The following RELCH variants were observed in gnomAD, a reference collection of about 807,000 sequenced individuals.
RELCH encodes the protein RAB11-binding protein RELCH.
RELCH carries 41 observed loss-of-function variants against 150.3 expected under a neutral mutation model. The observed-to-expected ratio is 0.27, with a 90% CI of 0.21 to 0.35. The LOEUF is 0.35. RELCH is among the 10% of genes least tolerant of loss of function. The pLI is 1.00. For missense variants in RELCH, 1,092 were observed against 1,467.8 expected, an observed-to-expected ratio of 0.74 and a Z score of 4.18; for synonymous variants, 478 against 531.8, an observed-to-expected ratio of 0.90 and a Z score of 1.39.
chr18:62,283,940 C>T (rs967190024), intron 25 of RELCH, among the ~76,000 whole-genome samples: 1 of 152,062 alleles, frequency 6.6e-6, no homozygotes, highest in Non-Finnish European at 1.5e-5. Context: ...TTGGTGTGTG[C>T]AGTGTTGTTG....
intron 12 of RELCH, 65 bp from the exon 13 acceptor site, chr18:62,255,342 A>G: frequency 9.4e-7 from 1 of 1,067,362 alleles, no homozygotes; most frequent in Non-Finnish European, 1.4e-6. Flanking sequence ...GTGAAATGTA[A>G]TTCTCTTTTG....
At position 62,232,451 on chromosome 18, in the gene RELCH, G is replaced by T. The variant is rs768926160; in HGVS notation, c.1620+24G>T. On this transcript the variant is annotated intron_variant, in intron 10 of 28. Coordinates refer to ENST00000644646, the MANE Select transcript of RELCH (RefSeq NM_001346231.2). ...AGGTAAGACACATGAAAGTATTTTC[G>T]TCCCAGTAATCCCATCATGTTGTCC... 2.1e-6 allele frequency: 3 copies of T among 1,396,530 alleles called. No individual in the cohort carries two copies. In the South Asian group the frequency reaches 3.5e-5, roughly 16 times the overall value. 86.5% of individuals were successfully genotyped at this position (1,396,530 alleles called of 1,614,324 possible).
chr18:62,287,508 C>G, intron 26 of RELCH, 41 bp downstream of exon 26: 1 of 1,044,140 alleles, frequency 9.6e-7, no homozygotes, highest in Non-Finnish European at 1.5e-6. Context: ...TTTATGTAAC[C>G]AATCTTAGAG....
chr18:62,298,704 G>T, intron 27 of RELCH, 86 bp from the exon 28 acceptor site: 1 of 681,188 alleles, frequency 1.5e-6, no homozygotes, highest in Non-Finnish European at 2.5e-6. Context: ...TTAGCTTATA[G>T]GAATATTAAA....
intron 22 of RELCH, chr18:62,277,906 C>T: frequency 1.1e-6 from 1 of 913,192 alleles, no homozygotes; most frequent in Non-Finnish European, 1.3e-6. Flanking sequence ...CATTAGAGCA[C>T]AACTCAAAGA....
intron 1 of RELCH, among the ~76,000 whole-genome samples, chr18:62,209,890 TTGTTTTAATTTTGGATTGTCATTGCTAA>T (rs1428014226): frequency 3.3e-5 from 5 of 152,208 alleles, no homozygotes; most frequent in Non-Finnish European, 7.3e-5. Flanking sequence ...AAACTTGTCT[TTGTTTTAATTTTGGATTGTCATTGCTAA>T]TGTATAAAAA....
At chr18:62,191,099 CTT>C (rs1297752748) in intron 1 of RELCH, among the ~76,000 whole-genome samples, 2 of 152,050 alleles carry the variant, frequency 1.3e-5, no homozygotes, top group Non-Finnish European at 2.9e-5. Context: ...AAATTTGTGT[CTT>C]TTAAGACATT....
Position 62,279,745 on chromosome 18 carries a change from T to C in RELCH, c.2968-29T>C, listed in dbSNP as rs1268202633. The stretch of plus-strand genomic sequence containing the variant: ...GTGTTTGCTCTTTCCGTGCATCACC[T>C]GTGAATACCCCCTGTGCTGACCAAT... On this transcript the variant is annotated intron_variant, in intron 22 of 28. Transcript: ENST00000644646. 1.0e-5 allele frequency: 15 copies of C among 1,444,840 alleles called. 1 individual carries two copies. The African/African-American group carries it at 1.4e-4, about 14-fold the overall frequency. The allele number at this position is 1,444,840 out of a possible 1,614,324, so 89.5% of individuals were successfully genotyped here.
intron 12 of RELCH, among the ~76,000 whole-genome samples, chr18:62,254,944 TTTCTAGCAAGGG>T (rs2042919213): frequency 6.6e-6 from 1 of 152,174 alleles, no homozygotes; most frequent in Admixed American, 6.5e-5. Context: ...TAAAAGCATA[TTTCTAGCAAGGG>T]TTCTGGTCAA....
intron 1 of RELCH, among the ~76,000 whole-genome samples, chr18:62,195,296 G>A (rs1290876108): frequency 6.6e-6 from 1 of 151,802 alleles, no homozygotes; most frequent in Non-Finnish European, 1.5e-5. Context: ...GTGTGTGTGT[G>A]TGTGTGTGTG....
At chr18:62,213,750 A>C (rs2040315649) in intron 2 of RELCH, among the ~76,000 whole-genome samples, 1 of 150,872 alleles carries the variant, frequency 6.6e-6, no homozygotes, top group Non-Finnish European at 1.5e-5. Flanking sequence ...AAAAAAAAAA[A>C]GATCATTAAT....
At chr18:62,242,931 A>G (rs1320000634) in intron 10 of RELCH, among the ~76,000 whole-genome samples, 1 of 152,166 alleles carries the variant, frequency 6.6e-6, no homozygotes, top group Non-Finnish European at 1.5e-5. Flanking sequence ...TGGGAAAAAT[A>G]GTATGAGAAG....
In RELCH at chr18:62,309,919, T is replaced by C. The variant is rs1374453511; in HGVS notation, c.*4385T>C. 6.6e-6 allele frequency: 1 copy of C among 152,226 alleles called. No homozygotes were observed. The highest frequency in any genetic ancestry group is 2.4e-5 in the African/African-American group (1 of 41,470). 9.4% of individuals were successfully genotyped at this position (152,226 alleles called of 1,614,324 possible). A position where few individuals can be genotyped will look rare whatever the true frequency, so the allele number is the denominator to read the frequency against. On this transcript the variant is annotated 3_prime_UTR_variant, in exon 29 of 29. Coordinates refer to ENST00000644646, the MANE Select transcript of RELCH (RefSeq NM_001346231.2). ...ATCTTTTTAGGGTGTCATTTGTTGATAGTAATCTGCTTTTTATAATTTTAA... is the reference window on the plus strand; with the variant it reads ...ATCTTTTTAGGGTGTCATTTGTTGACAGTAATCTGCTTTTTATAATTTTAA...
intron 24 of RELCH, among the ~76,000 whole-genome samples, chr18:62,281,417 T>A (rs186298942): frequency 6.6e-6 from 1 of 152,230 alleles, no homozygotes; most frequent in Admixed American, 6.5e-5. Context: ...TAGACTGGTA[T>A]CCTCTTGTTG....
chr18:62,233,843 A>G (rs2148445308), intron 10 of RELCH, among the ~76,000 whole-genome samples: 1 of 152,018 alleles, frequency 6.6e-6, no homozygotes, highest in East Asian at 1.9e-4. Context: ...ATAAAAGACT[A>G]CCATTAAAAT....
At chr18:62,200,305 A>G (rs1016636319) in intron 1 of RELCH, among the ~76,000 whole-genome samples, 8 of 152,200 alleles carry the variant, frequency 5.3e-5, no homozygotes, top group African/African-American at 1.7e-4. Flanking sequence ...AAGCTTCCTT[A>G]AGGCAAGGAC....
intron 14 of RELCH, 63 bp from the exon 15 acceptor site, chr18:62,258,449 T>G (rs1419898422): frequency 7.5e-7 from 1 of 1,337,126 alleles, no homozygotes; most frequent in African/African-American, 1.5e-5. Flanking sequence ...TTACTTTTTA[T>G]TAAGTGTTTT....
At chr18:62,190,297 G>A (rs939849685) in intron 1 of RELCH, among the ~76,000 whole-genome samples, 7 of 152,080 alleles carry the variant, frequency 4.6e-5, no homozygotes, top group African/African-American at 1.2e-4. Context: ...ACAGAACATC[G>A]GCAGGGTGCA....
intron 26 of RELCH, among the ~76,000 whole-genome samples, chr18:62,288,230 A>T (rs2044918048): frequency 6.6e-6 from 1 of 152,126 alleles, no homozygotes; most frequent in African/African-American, 2.4e-5. Context: ...AGGGGAAATG[A>T]GAGATTGAAA....
Sources: gnomAD v4.1 joint callset for allele counts (sites outside exome capture counted in the v4.1 genomes callset) on GRCh38, gnomAD v4.1.1 for gene constraint, MANE v1.5 for transcripts, NCBI Gene and HGNC (gene_info 2026-07-23, HGNC 2026-07-21) for gene names.